CSMD1: variants seen among roughly 807,000 people sequenced by gnomAD.
CSMD1 encodes CUB and Sushi multiple domains 1, also known as CUB and sushi domain-containing protein 1.
A neutral mutation model predicts 417.5 loss-of-function variants in CSMD1; 213 were observed. The ratio of observed to expected loss-of-function variants is 0.51; its 90% CI spans 0.46 to 0.57. The LOEUF is 0.57. Ranked by LOEUF, CSMD1 falls within the 20% of genes least tolerant of loss-of-function variation. CSMD1 has a pLI of 0.00. For synonymous variants in CSMD1, 2,862 were observed against 1,736.8 expected (o/e 1.65, Z -16.11); for missense variants, 6,923 against 4,529.7 (o/e 1.53, Z -15.17).
At chr8:4,216,809 C>A (rs373391940) in intron 3 of CSMD1, among the ~76,000 whole-genome samples, 1 of 152,144 alleles carries the variant, frequency 6.6e-6, no homozygotes, top group Non-Finnish European at 1.5e-5. Context: ...ACACAGAATT[C>A]CAACACAAGA....
At chr8:3,569,474 C>G (rs1021300355) in intron 10 of CSMD1, among the ~76,000 whole-genome samples, 4 of 152,132 alleles carry the variant, frequency 2.6e-5, no homozygotes, top group African/African-American at 9.7e-5. Flanking sequence ...TTTGTATTGA[C>G]TAAGAGAGAA....
chr8:4,927,372 A>G (rs11985845), intron 1 of CSMD1, among the ~76,000 whole-genome samples: 52,790 of 151,862 alleles, frequency 0.35, 9,984 homozygotes, highest in Middle Eastern at 0.48. Context: ...GCATTATTTA[A>G]TCTAATCTTA....
intron 3 of CSMD1, among the ~76,000 whole-genome samples, chr8:4,404,843 C>T (rs1043129032): frequency 2.6e-5 from 4 of 152,212 alleles, no homozygotes; most frequent in South Asian, 2.1e-4. Flanking sequence ...CAACAACAGG[C>T]CCTTACACTC....
chr8:3,558,677 A>C (rs1799328011), intron 10 of CSMD1, among the ~76,000 whole-genome samples: 1 of 150,708 alleles, frequency 6.6e-6, no homozygotes, highest in African/African-American at 2.5e-5. Context: ...ACGGTGTCTC[A>C]ATGGTACCCC....
At chr8:3,368,403 C>G (rs1307897344) in intron 19 of CSMD1, among the ~76,000 whole-genome samples, 1 of 152,158 alleles carries the variant, frequency 6.6e-6, no homozygotes, top group Non-Finnish European at 1.5e-5. Context: ...GTGGCGCAAT[C>G]TCAGCTCACT....
chr8:3,891,203 G>C (rs1278144979), intron 5 of CSMD1, among the ~76,000 whole-genome samples: 1 of 151,908 alleles, frequency 6.6e-6, no homozygotes, highest in Admixed American at 6.6e-5. Context: ...GTGCCATCAT[G>C]CCTGGCTAAT....
At chr8:4,460,007 T>TAA (rs1799713435) in intron 2 of CSMD1, among the ~76,000 whole-genome samples, 3 of 152,120 alleles carry the variant, frequency 2.0e-5, no homozygotes, top group Admixed American at 1.3e-4. Context: ...AATAGTACTA[T>TAA]AAACCAACTG....
At chr8:3,058,420 G>T (rs1812377857) in intron 49 of CSMD1, among the ~76,000 whole-genome samples, 1 of 152,142 alleles carries the variant, frequency 6.6e-6, no homozygotes, top group Non-Finnish European at 1.5e-5. Flanking sequence ...ATTACAATTT[G>T]CATTACCAAC....
chr8:3,072,269 G>T (rs1813368909), intron 49 of CSMD1, among the ~76,000 whole-genome samples: 1 of 152,148 alleles, frequency 6.6e-6, no homozygotes, highest in Non-Finnish European at 1.5e-5. Context: ...TCTCTATTAA[G>T]CTGACCAAAC....
chr8:3,058,261 G>A (rs538300832), intron 49 of CSMD1, among the ~76,000 whole-genome samples: 19 of 152,222 alleles, frequency 1.2e-4, no homozygotes, highest in South Asian at 4.2e-4. Context: ...TTAAATTACC[G>A]TGTGCATTGT....
chr8:4,614,804 T>C (rs183701022), intron 2 of CSMD1, among the ~76,000 whole-genome samples: 1 of 152,296 alleles, frequency 6.6e-6, no homozygotes. Context: ...AAAATGCATA[T>C]ATTCTTAAAA....
At chr8:3,516,271 G>C (rs1797278372) in intron 10 of CSMD1, among the ~76,000 whole-genome samples, 1 of 152,232 alleles carries the variant, frequency 6.6e-6, no homozygotes, top group Non-Finnish European at 1.5e-5. Flanking sequence ...CATAGGTATG[G>C]AGCTCCAGTA....
At chr8:3,197,847 T>G (rs775481604) in intron 33 of CSMD1, among the ~76,000 whole-genome samples, 14 of 152,186 alleles carry the variant, frequency 9.2e-5, no homozygotes, top group Non-Finnish European at 1.6e-4. Context: ...TGCAAAACTT[T>G]TACCATTGCT....
At position 3,409,486 on chromosome 8, in the gene CSMD1, C is replaced by G. The variant is rs761595291; in HGVS notation, c.1681G>C (p.Gly561Arg). ...FECPAAFELV[G>R]ERVITCQQNN... The stretch of plus-strand genomic sequence containing the variant: ...TGCTGACAGGTGATAACTCTCTCCC[C>G]CACCAGCTCAAAGGCCGCCGGGCAT... Residue 561 changes from glycine to arginine, a missense_variant, in exon 13 of 70, where the codon GGG becomes CGG. Coordinates refer to ENST00000635120, the MANE Select transcript of CSMD1 (RefSeq NM_033225.6). 4 of 1,611,504 alleles carry G rather than the reference C, an allele frequency of 2.5e-6. No homozygotes were observed. Among genetic ancestry groups the G allele is most frequent in the Non-Finnish European group, 3.4e-6 (4 of 1,178,998 alleles).
intron 5 of CSMD1, among the ~76,000 whole-genome samples, chr8:3,871,302 T>C (rs1358149615): frequency 2.0e-5 from 3 of 152,096 alleles, no homozygotes; most frequent in Admixed American, 6.5e-5. Context: ...TTTATACTCC[T>C]ACTAGTAGTG....
rs138410163 is a variant in CSMD1 at position 3,980,327 on chromosome 8, G to T, written c.818+17576C>A. On this transcript the variant is annotated intron_variant, in intron 5 of 69. Transcript: ENST00000635120. The stretch of plus-strand genomic sequence containing the variant: ...CTTGTCACACTGTAATATGCGTCCG[G>T]AAGCAGTTCTGAGATAATCCTGAAT... Among the ~76,000 whole-genome samples the T allele has an allele frequency of 3.5e-4, 53 of 152,246 alleles. No homozygotes were observed. The East Asian group carries it at 9.3e-3, about 27-fold the overall frequency.
chr8:3,798,005 T>C (rs139151255), intron 5 of CSMD1, among the ~76,000 whole-genome samples: 12 of 152,022 alleles, frequency 7.9e-5, no homozygotes, highest in Admixed American at 2.6e-4. Context: ...TTGAAGATTA[T>C]TGATGTTGAT....
chr8:3,486,721 G>A (rs1416114897), intron 11 of CSMD1, among the ~76,000 whole-genome samples: 1 of 152,222 alleles, frequency 6.6e-6, no homozygotes, highest in East Asian at 1.9e-4. Context: ...TTCCCTGTAG[G>A]AAGGTTGCCC....
intron 5 of CSMD1, among the ~76,000 whole-genome samples, chr8:3,787,407 G>A (rs529909932): frequency 6.6e-6 from 1 of 152,062 alleles, no homozygotes; most frequent in Non-Finnish European, 1.5e-5. Flanking sequence ...CTCCTGTTTT[G>A]TGGGAAATTC....
Sources: gnomAD v4.1 joint callset for allele counts (sites outside exome capture counted in the v4.1 genomes callset) on GRCh38, gnomAD v4.1.1 for gene constraint, MANE v1.5 for transcripts, NCBI Gene and HGNC (gene_info 2026-07-23, HGNC 2026-07-21) for gene names.